The following FAM135B variants were observed in gnomAD, a reference collection of about 807,000 sequenced individuals.
FAM135B encodes the protein protein FAM135B.
In FAM135B, 43 loss-of-function variants were observed where a neutral mutation model predicts 127.7. That is an observed-to-expected ratio of 0.34 (90% CI 0.26 to 0.43). The LOEUF is 0.43. Ranked by LOEUF, FAM135B falls within the 20% of genes least tolerant of loss-of-function variation. The pLI is 1.00. For synonymous variants in FAM135B, 670 were observed against 665.1 expected (o/e 1.01, Z -0.11); for missense variants, 1,558 against 1,725.6 (o/e 0.90, Z 1.72).
At position 138,307,877 on chromosome 8, in the gene FAM135B, T is replaced by C. The variant is rs544315519; in HGVS notation, c.157+2964A>G. The stretch of plus-strand genomic sequence containing the variant: ...CACTCCTCCTGGTTCTCTTCCAATA[T>C]GCTATATTTTTGCCTAAAGATATAT... On this transcript the variant is annotated intron_variant, in intron 3 of 19. Coordinates refer to ENST00000395297, the MANE Select transcript of FAM135B (RefSeq NM_015912.4). Among the ~76,000 whole-genome samples the C allele has an allele frequency of 1.2e-4, 19 of 152,292 alleles. No homozygotes were observed. In the East Asian group the frequency reaches 3.3e-3, roughly 26 times the overall value.
intron 12 of FAM135B, among the ~76,000 whole-genome samples, chr8:138,158,536 T>C (rs1463520885): frequency 4.6e-5 from 7 of 152,328 alleles, no homozygotes; most frequent in Admixed American, 1.3e-4. Flanking sequence ...TTTTATAATC[T>C]ACCCTTCTGA....
rs764358333 is a variant in FAM135B at position 138,243,089 on chromosome 8, A to AG, written c.543-22dup. ...TAAAACTAAACAAAAGATAATTGAA[A>AG]GGGTGAAAAAGGAGGTAAAGAAAGT... On this transcript the variant is annotated intron_variant, in intron 6 of 19. Transcript: ENST00000395297. The surrounding 1 kb of genome is among the most constrained non-coding windows in gnomAD (Gnocchi z 7.5). 2.5e-6 allele frequency: 4 copies of AG among 1,597,188 alleles called. No individual in the cohort carries two copies. Among genetic ancestry groups the AG allele is most frequent in the Admixed American group, 1.7e-5 (1 of 57,146 alleles).
intron 1 of FAM135B, among the ~76,000 whole-genome samples, chr8:138,487,141 T>C (rs1284307834): frequency 2.6e-5 from 4 of 152,158 alleles, no homozygotes; most frequent in African/African-American, 7.2e-5. Context: ...ACTCTAAAGG[T>C]TGCGATTTTC....
At chr8:138,489,535 C>T (rs56693921) in intron 1 of FAM135B, among the ~76,000 whole-genome samples, 2,265 of 152,276 alleles carry the variant, frequency 0.015, 85 homozygotes, top group East Asian at 0.13. Context: ...TATATTGCAA[C>T]CAGAATGGAC....
At chr8:138,281,325 TC>T (rs1436752750) in intron 3 of FAM135B, among the ~76,000 whole-genome samples, 2 of 152,054 alleles carry the variant, frequency 1.3e-5, no homozygotes, top group Non-Finnish European at 2.9e-5. Flanking sequence ...AGAAGTCAAA[TC>T]TCGCAGCTCT....
chr8:138,303,431 G>T (rs974596564), intron 3 of FAM135B, among the ~76,000 whole-genome samples: 10 of 152,074 alleles, frequency 6.6e-5, no homozygotes, highest in Admixed American at 2.0e-4. Flanking sequence ...ACCAGGGCCT[G>T]TCAGGGGGCA....
chr8:138,452,130 T>TC (rs1564013860), intron 1 of FAM135B, among the ~76,000 whole-genome samples: 1 of 142,028 alleles, frequency 7.0e-6, no homozygotes, highest in African/African-American at 2.6e-5. Context: ...TCTGCTTTTT[T>TC]TTTTTTTTTT....
chr8:138,293,521 C>G (rs1825266279), intron 3 of FAM135B, among the ~76,000 whole-genome samples: 1 of 152,010 alleles, frequency 6.6e-6, no homozygotes, highest in South Asian at 2.1e-4. Flanking sequence ...GGACTAATAT[C>G]CAGAATCTAC....
At chr8:138,197,836 A>G (rs1377387241) in intron 7 of FAM135B, among the ~76,000 whole-genome samples, 167 bp from the exon 8 acceptor site, 1 of 152,226 alleles carries the variant, frequency 6.6e-6, no homozygotes, top group East Asian at 1.9e-4. Flanking sequence ...TGAAGATTCC[A>G]GGAAAAAGAG....
At chr8:138,226,180 T>C (rs570274302) in intron 7 of FAM135B, among the ~76,000 whole-genome samples, 66 of 128,076 alleles carry the variant, frequency 5.2e-4, no homozygotes, top group East Asian at 1.7e-3. Context: ...TGTGTGTGTG[T>C]GTGTGCGCGC....
intron 1 of FAM135B, among the ~76,000 whole-genome samples, chr8:138,429,297 C>G (rs1025806998): frequency 6.6e-6 from 1 of 152,132 alleles, no homozygotes; most frequent in Non-Finnish European, 1.5e-5. Context: ...CACTTTGAGC[C>G]CATGTCCTAT....
At chr8:138,183,275 T>C (rs914697926) in intron 9 of FAM135B, among the ~76,000 whole-genome samples, 2 of 152,246 alleles carry the variant, frequency 1.3e-5, no homozygotes, top group South Asian at 2.1e-4. Context: ...TCTTAATTTA[T>C]GGATGGAGTA....
intron 1 of FAM135B, among the ~76,000 whole-genome samples, chr8:138,494,908 T>G (rs1025049143): frequency 1.3e-5 from 2 of 151,968 alleles, no homozygotes; most frequent in Admixed American, 1.3e-4. Flanking sequence ...GAGTGCTGCA[T>G]TTGATGGCAA....
chr8:138,431,275 G>A (rs564859777), intron 1 of FAM135B, among the ~76,000 whole-genome samples: 17 of 152,266 alleles, frequency 1.1e-4, no homozygotes, highest in African/African-American at 3.9e-4. Context: ...GCCATCTTGG[G>A]ACTTGTATTC....
intron 1 of FAM135B, among the ~76,000 whole-genome samples, chr8:138,452,764 C>T (rs1038383092): frequency 2.0e-4 from 30 of 152,098 alleles, no homozygotes; most frequent in African/African-American, 6.8e-4. Flanking sequence ...TCTCAAGGCT[C>T]GACTGGGGCT....
At chr8:138,349,074 T>A (rs943135811) in intron 2 of FAM135B, among the ~76,000 whole-genome samples, 6 of 152,206 alleles carry the variant, frequency 3.9e-5, no homozygotes, top group African/African-American at 1.4e-4. Context: ...GACCAACTCA[T>A]TGCAGTTTGC....
chr8:138,311,766 C>T (rs1826701402), intron 2 of FAM135B, among the ~76,000 whole-genome samples: 1 of 152,166 alleles, frequency 6.6e-6, no homozygotes, highest in Admixed American at 6.5e-5. Flanking sequence ...ACTGCACATA[C>T]ACTCGTAGAA....
intron 7 of FAM135B, among the ~76,000 whole-genome samples, chr8:138,207,203 G>C (rs576692017): frequency 4.2e-4 from 60 of 143,468 alleles, no homozygotes; most frequent in African/African-American, 1.5e-3. Flanking sequence ...CTGTGCAGTT[G>C]ACTGAAACAA....
At chr8:138,273,022 T>C (rs1823507016) in intron 3 of FAM135B, among the ~76,000 whole-genome samples, 1 of 152,142 alleles carries the variant, frequency 6.6e-6, no homozygotes, top group Non-Finnish European at 1.5e-5. Context: ...CGAGATGACC[T>C]ATGAAAGTAC....
Sources: allele counts gnomAD v4.1 joint callset (sites outside exome capture counted in the v4.1 genomes callset), GRCh38; gene constraint gnomAD v4.1.1; non-coding constraint Gnocchi (gnomAD v3.1); transcripts MANE v1.5; gene names NCBI Gene and HGNC (gene_info 2026-07-23, HGNC 2026-07-21).